FGF12: variants seen among roughly 807,000 people sequenced by gnomAD.
FGF12 encodes fibroblast growth factor 12B.
In FGF12, 14 loss-of-function variants were observed where a neutral mutation model predicts 23.6. The ratio of observed to expected loss-of-function variants is 0.59; its 90% CI spans 0.39 to 0.93. FGF12 has a LOEUF of 0.93. Among genes scored for constraint, FGF12 ranks in the 40% least tolerant of loss-of-function variants. The pLI, the probability that FGF12 is intolerant of heterozygous loss-of-function variation, is 0.00. For synonymous variants in FGF12, 62 were observed against 77.3 expected, an observed-to-expected ratio of 0.80 and a Z score of 1.04; for missense variants, 175 against 217.8, an observed-to-expected ratio of 0.80 and a Z score of 1.24.
chr3:192,295,275 C>A (rs1714970206), intron 4 of FGF12, among the ~76,000 whole-genome samples: 1 of 152,278 alleles, frequency 6.6e-6, no homozygotes, highest in Non-Finnish European at 1.5e-5. Context: ...ACTCCCAGTT[C>A]ACTTATCTAT....
At chr3:192,725,441 A>T (rs1719181426) in intron 2 of FGF12, among the ~76,000 whole-genome samples, 1 of 152,100 alleles carries the variant, frequency 6.6e-6, no homozygotes, top group African/African-American at 2.4e-5. Flanking sequence ...TTCTTTTCGG[A>T]TGTATTTCTG....
chr3:192,724,003 G>A (rs868425314), intron 2 of FGF12, among the ~76,000 whole-genome samples: 1 of 132,146 alleles, frequency 7.6e-6, no homozygotes, highest in Admixed American at 7.5e-5. Flanking sequence ...GAGGGGGAAG[G>A]AAGAAAGGGA....
chr3:192,374,609 C>T (rs1008829438), intron 2 of FGF12, among the ~76,000 whole-genome samples: 2 of 152,164 alleles, frequency 1.3e-5, no homozygotes, highest in Admixed American at 1.3e-4. Flanking sequence ...ACAGTGCTTA[C>T]CATGAGCCAG....
At chr3:192,660,885 G>A (rs1166889764) in intron 2 of FGF12, among the ~76,000 whole-genome samples, 1 of 150,690 alleles carries the variant, frequency 6.6e-6, no homozygotes, top group Non-Finnish European at 1.5e-5. Context: ...ACATTTGGGG[G>A]TGGGGGTGGG....
chr3:192,335,265 A>G lies in FGF12; in HGVS notation c.228+96T>C, dbSNP rs76527141. ...GGATCACAAAATATAAAATGACTTC[A>G]ACTTCCAATTTTCTTGCCTAACATG... On this transcript the variant is annotated intron_variant, in intron 4 of 5. Transcript: ENST00000445105. 4,398 of 801,804 alleles carry G rather than the reference A, an allele frequency of 5.5e-3. 169 individuals carry two copies. The African/African-American group carries it at 0.068, about 12-fold the overall frequency. The allele number at this position is 801,804 out of a possible 1,614,324, so 49.7% of individuals were successfully genotyped here.
intron 2 of FGF12, among the ~76,000 whole-genome samples, chr3:192,594,885 T>C (rs1435804261): frequency 6.6e-6 from 1 of 151,908 alleles, no homozygotes; most frequent in East Asian, 1.9e-4. Flanking sequence ...TGGACTAAGA[T>C]ACCTGCCTAA....
At chr3:192,410,302 T>C (rs1223085545) in intron 2 of FGF12, among the ~76,000 whole-genome samples, 1 of 151,840 alleles carries the variant, frequency 6.6e-6, no homozygotes, top group Non-Finnish European at 1.5e-5. Flanking sequence ...CTGTGTCTTC[T>C]GTCTCTCCCC....
At chr3:192,694,083 G>C (rs1336669208) in intron 2 of FGF12, among the ~76,000 whole-genome samples, 1 of 152,080 alleles carries the variant, frequency 6.6e-6, no homozygotes, top group Non-Finnish European at 1.5e-5. Context: ...TTTTAAAATA[G>C]GTGAGAGACC....
At chr3:192,577,778 A>G (rs1414838423) in intron 2 of FGF12, among the ~76,000 whole-genome samples, 1 of 152,230 alleles carries the variant, frequency 6.6e-6, no homozygotes, top group South Asian at 2.1e-4. Flanking sequence ...AATGATATGC[A>G]TAGTATTGGC....
intron 2 of FGF12, among the ~76,000 whole-genome samples, chr3:192,557,200 G>T (rs1711820432): frequency 6.6e-6 from 1 of 151,080 alleles, no homozygotes; most frequent in African/African-American, 2.4e-5. Flanking sequence ...AAATAATCAA[G>T]ATTAAAGTAG....
rs117864875 is a variant in FGF12 at position 192,218,857 on chromosome 3, C to T, written c.229-48201G>A. Among the ~76,000 whole-genome samples, 527 of 152,242 alleles carry T rather than the reference C, an allele frequency of 3.5e-3. 9 individuals are homozygous for T. The South Asian group carries it at 0.048, about 14-fold the overall frequency. On this transcript the variant is annotated intron_variant, in intron 4 of 5. Coordinates refer to ENST00000445105, the MANE Select transcript of FGF12 (RefSeq NM_004113.6). The stretch of plus-strand genomic sequence containing the variant: ...TTTCCATTTGATTGCTAGATTTGCT[C>T]CACATTTAAAAAGTTACAAATACAT...
chr3:192,171,780 A>G (rs954357846), intron 4 of FGF12, among the ~76,000 whole-genome samples: 2 of 152,214 alleles, frequency 1.3e-5, no homozygotes, highest in African/African-American at 4.8e-5. Context: ...GAATTAAGTT[A>G]TTAATGAATA....
chr3:192,515,451 A>G (rs1433120288), intron 2 of FGF12: 1 of 152,428 alleles, frequency 6.6e-6, no homozygotes, highest in Non-Finnish European at 1.5e-5. Flanking sequence ...GCGTGGACAG[A>G]GTGCCGATGT....
At chr3:192,490,517 AC>A (rs1484715269) in intron 2 of FGF12, among the ~76,000 whole-genome samples, 2 of 150,796 alleles carry the variant, frequency 1.3e-5, no homozygotes, top group African/African-American at 2.5e-5. Context: ...ACATATGTAT[AC>A]ATTCACAAAT....
chr3:192,429,471 C>G (rs952831624), intron 2 of FGF12, among the ~76,000 whole-genome samples: 3 of 152,150 alleles, frequency 2.0e-5, no homozygotes, highest in African/African-American at 7.2e-5. Flanking sequence ...TGTGCTCCTC[C>G]TCTTTCTCCT....
chr3:192,325,085 G>GA (rs1475966961), intron 4 of FGF12, among the ~76,000 whole-genome samples: 1 of 152,034 alleles, frequency 6.6e-6, no homozygotes, highest in Admixed American at 6.6e-5. Context: ...TGTTGTTTCT[G>GA]AAAAAAGACA....
At chr3:192,254,456 A>AAAT (rs141986878) in intron 4 of FGF12, among the ~76,000 whole-genome samples, 2,856 of 152,084 alleles carry the variant, frequency 0.019, 70 homozygotes, top group African/African-American at 0.054. Context: ...ATTATAAATA[A>AAAT]AATATGTATT....
chr3:192,615,382 T>TA (rs1714719719), intron 2 of FGF12, among the ~76,000 whole-genome samples: 1 of 152,026 alleles, frequency 6.6e-6, no homozygotes, highest in African/African-American at 2.4e-5. Flanking sequence ...TGTTTAGAAT[T>TA]ACTTAATAGC....
intron 2 of FGF12, among the ~76,000 whole-genome samples, chr3:192,625,712 G>A (rs1715142394): frequency 6.6e-6 from 1 of 151,956 alleles, no homozygotes; most frequent in African/African-American, 2.4e-5. Context: ...GTTACTAGGT[G>A]TCTAGATTAT....
Sources: allele counts gnomAD v4.1 joint callset (sites outside exome capture counted in the v4.1 genomes callset), GRCh38; gene constraint gnomAD v4.1.1; transcripts MANE v1.5; gene names NCBI Gene and HGNC (gene_info 2026-07-23, HGNC 2026-07-21).